Variants in DSCAM observed in about 807,000 individuals in gnomAD.
DSCAM encodes the protein DS cell adhesion molecule, also known as cell adhesion molecule DSCAM.
Under a neutral mutation model 217.7 loss-of-function variants are expected in DSCAM, and 47 were observed. The ratio of observed to expected loss-of-function variants is 0.22; its 90% CI spans 0.17 to 0.28. The LOEUF is 0.28. DSCAM is among the 10% of genes least tolerant of loss of function. The pLI is 1.00. For missense variants in DSCAM, 2,080 were observed against 2,618.3 expected, an observed-to-expected ratio of 0.79 and a Z score of 4.49; for synonymous variants, 1,056 against 1,015.3, an observed-to-expected ratio of 1.04 and a Z score of -0.76.
intron 3 of DSCAM, among the ~76,000 whole-genome samples, chr21:40,519,192 T>A (rs961125836): frequency 1.3e-5 from 2 of 152,138 alleles, no homozygotes; most frequent in African/African-American, 4.8e-5. Context: ...CATGTGTAAA[T>A]ATATGACGGT....
chr21:40,185,216 G>A (rs1330274613), intron 14 of DSCAM, among the ~76,000 whole-genome samples: 1 of 152,192 alleles, frequency 6.6e-6, no homozygotes, highest in Non-Finnish European at 1.5e-5. Context: ...GTGAGCACCT[G>A]AGAATTGAGA....
At chr21:40,110,114 GCCT>G (rs779959707) in intron 20 of DSCAM, among the ~76,000 whole-genome samples, 25 of 152,194 alleles carry the variant, frequency 1.6e-4, no homozygotes, top group Admixed American at 7.2e-4. Flanking sequence ...CAGACAGACT[GCCT>G]CCTCAAGTGG....
chr21:40,473,598 A>C (rs1016984380), intron 3 of DSCAM, among the ~76,000 whole-genome samples: 1 of 152,232 alleles, frequency 6.6e-6, no homozygotes, highest in Non-Finnish European at 1.5e-5. Context: ...CAGAATGTGC[A>C]TATACAACTA....
In DSCAM at chr21:40,012,973, A is replaced by T. The variant is rs936273576; in HGVS notation, c.*61T>A. ...TAAATATTGGAATTCCGTAAAAAAA[A>T]GGTAGCTTTGATTGAATTGTTTGAA... is the stretch of plus-strand genomic sequence containing the variant. On this transcript the variant is annotated 3_prime_UTR_variant, in exon 33 of 33. Coordinates refer to ENST00000400454, the MANE Select transcript of DSCAM (RefSeq NM_001389.5). 1.7e-6 allele frequency: 2 copies of T among 1,187,630 alleles called. No homozygotes were observed. The highest frequency in any genetic ancestry group is 3.2e-5 in the South Asian group (1 of 30,836). The allele number at this position is 1,187,630 out of a possible 1,614,324, so 73.6% of individuals were successfully genotyped here. A position where few individuals can be genotyped will look rare whatever the true frequency, so the allele number is the denominator to read the frequency against.
rs201198571 is a variant in DSCAM, at chr21:40,266,670, T to TATATATAA, written c.2356+9426_2356+9427insTTATATAT. ...ATATATATATATATATATATATATA[T>TATATATAA]AATCTTGAAATTTTATATATATAAA... On this transcript the variant is annotated intron_variant, in intron 11 of 32. Transcript: ENST00000400454. Among the ~76,000 whole-genome samples, 711 of 120,500 alleles carry TATATATAA rather than the reference T, an allele frequency of 5.9e-3. 7 individuals carry two copies. Among genetic ancestry groups the TATATATAA allele is most frequent in the South Asian group, 0.018 (69 of 3,750 alleles). The allele number at this position is 120,500 out of a possible 152,430, so 79.1% of individuals were successfully genotyped here.
At chr21:40,462,229 A>C (rs1490074387) in intron 3 of DSCAM, among the ~76,000 whole-genome samples, 2 of 152,186 alleles carry the variant, frequency 1.3e-5, no homozygotes, top group African/African-American at 4.8e-5. Flanking sequence ...CAGGAACCCA[A>C]GAGTACTTCT....
At chr21:40,775,945 C>T (rs1420510291) in intron 1 of DSCAM, among the ~76,000 whole-genome samples, 1 of 152,132 alleles carries the variant, frequency 6.6e-6, no homozygotes, top group East Asian at 1.9e-4. Context: ...AGTTAGAAAG[C>T]TGGGTGCACA....
intron 3 of DSCAM, among the ~76,000 whole-genome samples, chr21:40,648,250 T>TATACAC (rs2089972151): frequency 6.9e-6 from 1 of 145,708 alleles, no homozygotes; most frequent in African/African-American, 2.5e-5. Flanking sequence ...CATATCCCTG[T>TATACAC]ACACACACAC....
intron 32 of DSCAM, among the ~76,000 whole-genome samples, chr21:40,029,514 A>G (rs967421825): frequency 1.9e-4 from 29 of 151,470 alleles, no homozygotes; most frequent in African/African-American, 5.8e-4. Context: ...GAGTTACTGG[A>G]TTTTAATTTT....
chr21:40,363,728 C>T (rs573682752), intron 4 of DSCAM, among the ~76,000 whole-genome samples: 1 of 152,170 alleles, frequency 6.6e-6, no homozygotes, highest in Non-Finnish European at 1.5e-5. Flanking sequence ...AAACTACCAT[C>T]AGAGTGAACA....
intron 2 of DSCAM, among the ~76,000 whole-genome samples, chr21:40,702,775 A>C (rs986669350): frequency 5.3e-5 from 8 of 151,788 alleles, no homozygotes; most frequent in Non-Finnish European, 1.0e-4. Context: ...TATTAGCTAT[A>C]ACTCTGTTTT....
At chr21:40,396,709 CCTACCACAACTA>C (rs1252968700) in intron 3 of DSCAM, among the ~76,000 whole-genome samples, 6 of 151,934 alleles carry the variant, frequency 3.9e-5, no homozygotes, top group Non-Finnish European at 8.8e-5. Flanking sequence ...TACCACCACT[CCTACCACAACTA>C]CTACCACTAC....
At chr21:40,841,828 C>T (rs2092104376) in intron 1 of DSCAM, among the ~76,000 whole-genome samples, 1 of 152,250 alleles carries the variant, frequency 6.6e-6, no homozygotes, top group Non-Finnish European at 1.5e-5. Flanking sequence ...CCCGCTGCAA[C>T]ACCTGTGTTT....
intron 3 of DSCAM, among the ~76,000 whole-genome samples, chr21:40,570,440 G>A (rs1280403010): frequency 6.6e-6 from 1 of 152,102 alleles, no homozygotes; most frequent in Non-Finnish European, 1.5e-5. Flanking sequence ...TTCCTGCAAG[G>A]GCAAGGTAAA....
chr21:40,392,316 TA>T (rs1005861605), intron 3 of DSCAM, among the ~76,000 whole-genome samples: 3 of 152,162 alleles, frequency 2.0e-5, no homozygotes, highest in African/African-American at 7.2e-5. Context: ...CAGTGTTTGA[TA>T]AATATTTGGA....
intron 1 of DSCAM, among the ~76,000 whole-genome samples, chr21:40,825,894 A>G (rs1050483040): frequency 1.3e-5 from 2 of 152,250 alleles, no homozygotes; most frequent in Non-Finnish European, 2.9e-5. Context: ...TAAATAAAGT[A>G]GAACTGAAGA....
At chr21:40,019,854 C>T (rs1309148590) in intron 32 of DSCAM, among the ~76,000 whole-genome samples, 1 of 152,202 alleles carries the variant, frequency 6.6e-6, no homozygotes, top group East Asian at 1.9e-4. Context: ...GCAATGATTT[C>T]CATACTCTAT....
At chr21:40,193,114 C>T (rs192527115) in intron 11 of DSCAM, among the ~76,000 whole-genome samples, 5 of 152,270 alleles carry the variant, frequency 3.3e-5, no homozygotes, top group Admixed American at 3.3e-4. Flanking sequence ...GGAACAAGAA[C>T]ATTCCCTTTC....
chr21:40,478,714 G>A (rs2075957876), intron 3 of DSCAM, among the ~76,000 whole-genome samples: 1 of 152,110 alleles, frequency 6.6e-6, no homozygotes, highest in Admixed American at 6.6e-5. Flanking sequence ...TACAATGACT[G>A]CAACAAAATA....
Sources: allele counts gnomAD v4.1 joint callset (sites outside exome capture counted in the v4.1 genomes callset), GRCh38; gene constraint gnomAD v4.1.1; transcripts MANE v1.5; gene names NCBI Gene and HGNC (gene_info 2026-07-23, HGNC 2026-07-21).